The following NUBPL variants were observed in gnomAD, a reference collection of about 807,000 sequenced individuals.
NUBPL encodes the protein iron-sulfur cluster transfer protein NUBPL.
In NUBPL, 31 loss-of-function variants were observed where a neutral mutation model predicts 45.7. The observed-to-expected ratio is 0.68, with a 90% CI of 0.51 to 0.92. The LOEUF (loss-of-function observed/expected upper bound fraction) is 0.92, where lower values mean the gene tolerates loss of function less well. Ranked by LOEUF, NUBPL falls within the 40% of genes least tolerant of loss-of-function variation. The probability of loss-of-function intolerance (pLI) is 0.00; values close to 1 mark genes in which losing one functional copy is unlikely to be tolerated. For missense variants in NUBPL, 401 were observed against 398.7 expected (o/e 1.01, Z -0.05); for synonymous variants, 144 against 140.9 (o/e 1.02, Z -0.15).
intron 6 of NUBPL, among the ~76,000 whole-genome samples, chr14:31,706,145 C>T (rs535074485): frequency 2.1e-4 from 27 of 128,038 alleles, no homozygotes; most frequent in African/African-American, 6.3e-4. Flanking sequence ...CACATTGTCA[C>T]CTCTCAATCC....
intron 7 of NUBPL, among the ~76,000 whole-genome samples, chr14:31,790,341 T>C (rs755285958): frequency 9.2e-5 from 14 of 152,238 alleles, no homozygotes; most frequent in Non-Finnish European, 2.1e-4. Context: ...ATTTAACCAG[T>C]ATATTTCCTT....
chr14:31,577,316 T>C (rs116463649), intron 3 of NUBPL, among the ~76,000 whole-genome samples: 4 of 152,350 alleles, frequency 2.6e-5, no homozygotes, highest in African/African-American at 9.6e-5. Context: ...TTGGTCTGTT[T>C]AATCTCATCC....
At chr14:31,773,497 A>G (rs1251368157) in intron 6 of NUBPL, among the ~76,000 whole-genome samples, 1 of 152,186 alleles carries the variant, frequency 6.6e-6, no homozygotes, top group African/African-American at 2.4e-5. Flanking sequence ...GAAGATAGTT[A>G]CATATAAAAA....
chr14:31,593,632 T>C (rs1384558756), intron 3 of NUBPL, among the ~76,000 whole-genome samples: 1 of 151,164 alleles, frequency 6.6e-6, no homozygotes, highest in African/African-American at 2.4e-5. Flanking sequence ...AATACTAATA[T>C]AGATACTAAG....
chr14:31,852,396 G>A (rs983619651), intron 10 of NUBPL, among the ~76,000 whole-genome samples: 6 of 152,170 alleles, frequency 3.9e-5, no homozygotes, highest in African/African-American at 9.7e-5. Context: ...AAGTAGGCCC[G>A]GCACGGTGGC....
chr14:31,784,538 A>G (rs907349738), intron 6 of NUBPL, among the ~76,000 whole-genome samples: 3 of 152,218 alleles, frequency 2.0e-5, no homozygotes, highest in Non-Finnish European at 4.4e-5. Flanking sequence ...TTTCTAGGTT[A>G]CATTTGCCTG....
intron 4 of NUBPL, among the ~76,000 whole-genome samples, chr14:31,653,521 A>G (rs1350743388): frequency 6.6e-6 from 1 of 152,214 alleles, no homozygotes; most frequent in South Asian, 2.1e-4. Flanking sequence ...GAAGAAAAAT[A>G]TGGCTGTATT....
chr14:31,775,193 G>A (rs772966935), intron 6 of NUBPL, among the ~76,000 whole-genome samples: 23 of 152,082 alleles, frequency 1.5e-4, no homozygotes, highest in African/African-American at 3.4e-4. Context: ...CGAGGTGGGC[G>A]GATCACCTAA....
chr14:31,851,546 G>T (rs542664881), intron 10 of NUBPL, among the ~76,000 whole-genome samples: 14 of 152,054 alleles, frequency 9.2e-5, no homozygotes, highest in Non-Finnish European at 1.3e-4. Flanking sequence ...AGTAGATATG[G>T]TATAACAGTT....
At chr14:31,784,141 G>A (rs2039244212) in intron 6 of NUBPL, among the ~76,000 whole-genome samples, 1 of 152,172 alleles carries the variant, frequency 6.6e-6, no homozygotes, top group Admixed American at 6.5e-5. Context: ...GCACTCTGAA[G>A]TTAAAAGTTA....
At chr14:31,637,568 G>C (rs2035543354) in intron 4 of NUBPL, among the ~76,000 whole-genome samples, 1 of 152,200 alleles carries the variant, frequency 6.6e-6, no homozygotes, top group South Asian at 2.1e-4. Flanking sequence ...ATATTCTGTT[G>C]ATTTGTGGTG....
At chr14:31,811,836 AT>A (rs2039811525) in intron 7 of NUBPL, among the ~76,000 whole-genome samples, 1 of 151,964 alleles carries the variant, frequency 6.6e-6, no homozygotes, top group Non-Finnish European at 1.5e-5. Context: ...TGCTGATGCT[AT>A]TCCTTTCTGT....
At chr14:31,712,193 G>A (rs999466599) in intron 6 of NUBPL, among the ~76,000 whole-genome samples, 1 of 152,164 alleles carries the variant, frequency 6.6e-6, no homozygotes, top group Non-Finnish European at 1.5e-5. Context: ...TTTTGACAGA[G>A]CACTGATTGG....
At chr14:31,792,830 G>C (rs1479447003) in intron 7 of NUBPL, among the ~76,000 whole-genome samples, 3 of 152,138 alleles carry the variant, frequency 2.0e-5, no homozygotes, top group African/African-American at 7.2e-5. Context: ...ATTCAGGCCA[G>C]TGTCATTTCA....
chr14:31,644,938 C>G (rs1379424606), intron 4 of NUBPL, among the ~76,000 whole-genome samples: 4 of 152,176 alleles, frequency 2.6e-5, no homozygotes, highest in African/African-American at 9.6e-5. Context: ...GATTTGTAGT[C>G]ATCTTACCTG....
intron 3 of NUBPL, among the ~76,000 whole-genome samples, chr14:31,583,592 A>C (rs1411304521): frequency 6.6e-6 from 1 of 152,220 alleles, no homozygotes; most frequent in Non-Finnish European, 1.5e-5. Context: ...GCTTTCCTAC[A>C]ACCATTATTA....
intron 6 of NUBPL, among the ~76,000 whole-genome samples, chr14:31,703,957 C>T (rs545791592): frequency 6.6e-6 from 1 of 152,226 alleles, no homozygotes; most frequent in Non-Finnish European, 1.5e-5. Flanking sequence ...AATTGTCCAG[C>T]CACCACCTGA....
rs564149931 is a variant in NUBPL at position 31,830,244 on chromosome 14, T to C, written c.693+3530T>C. ...TCCACAAATCTATATTTACTGATATTTAGTGTCTTCTATAAGCAAAGTGCT... is the reference window on the plus strand; with the variant it reads ...TCCACAAATCTATATTTACTGATATCTAGTGTCTTCTATAAGCAAAGTGCT... On this transcript the variant is annotated intron_variant, in intron 8 of 10. Coordinates refer to ENST00000281081, the MANE Select transcript of NUBPL (RefSeq NM_025152.3). 1.3e-4 allele frequency among the ~76,000 whole-genome samples: 20 copies of C among 152,326 alleles called. No homozygotes were observed. In the South Asian group the frequency reaches 3.9e-3, roughly 30 times the overall value.
At chr14:31,586,960 AACTCT>A (rs1258152193) in intron 3 of NUBPL, among the ~76,000 whole-genome samples, 4 of 152,176 alleles carry the variant, frequency 2.6e-5, no homozygotes, top group African/African-American at 9.7e-5. Flanking sequence ...ACTTGAATCT[AACTCT>A]CAGTGTTTGG....
Sources: allele counts gnomAD v4.1 joint callset (sites outside exome capture counted in the v4.1 genomes callset), GRCh38; gene constraint gnomAD v4.1.1; transcripts MANE v1.5; gene names NCBI Gene and HGNC (gene_info 2026-07-23, HGNC 2026-07-21).